Variants in TUBA4A observed in about 807,000 individuals in gnomAD.
The protein encoded by TUBA4A is tubulin alpha-4A chain.
TUBA4A carries 23 observed loss-of-function variants against 34.3 expected under a neutral mutation model. The ratio of observed to expected loss-of-function variants is 0.67; its 90% CI spans 0.48 to 0.95. TUBA4A has a LOEUF of 0.95. Ranked by LOEUF, TUBA4A falls within the 40% of genes least tolerant of loss-of-function variation. TUBA4A has a pLI of 0.00. For missense variants in TUBA4A, 279 were observed against 599.0 expected (o/e 0.47, Z 5.58); for synonymous variants, 216 against 230.5 (o/e 0.94, Z 0.57).
Position 219,253,758 on chromosome 2 carries a change from A to G in TUBA4A, c.3+98T>C, listed in dbSNP as rs45468095. ...CCCTCGCACCTCCTGGAGACCCGGA[A>G]CGCCCGGTGGAGGTCCCCGAGCATG... is the stretch of plus-strand genomic sequence containing the variant. On this transcript the variant is annotated intron_variant, in intron 1 of 3. Coordinates refer to ENST00000248437, the MANE Select transcript of TUBA4A (RefSeq NM_006000.3). 0.013 allele frequency: 18,750 copies of G among 1,427,170 alleles called. 147 individuals are homozygous for G. Among genetic ancestry groups the G allele is most frequent in the Middle Eastern group, 0.037 (211 of 5,628 alleles). The allele number at this position is 1,427,170 out of a possible 1,614,324, so 88.4% of individuals were successfully genotyped here. A position where few individuals can be genotyped will look rare whatever the true frequency, so the allele number is the denominator to read the frequency against.
rs1479120854 is a variant in TUBA4A, at chr2:219,251,219, G to T, written c.480C>A (p.Asp160Glu). The T allele has an allele frequency of 6.2e-7, 1 of 1,614,148 alleles. No individual in the cohort carries two copies. The highest frequency in any genetic ancestry group is 8.5e-7 in the Non-Finnish European group (1 of 1,180,042). ...ATTCCAGCTTGGATTTCTTGCCATA[G>T]TCAACAGAGAGCCGCTCCATCAGGA... ...TSLLMERLSV[D>E]YGKKSKLEFS... Residue 160 changes from aspartate to glutamate, a missense_variant, in exon 4 of 4, where the codon GAC becomes GAA. Asp to Glu is a conservative substitution (Grantham distance 45, BLOSUM62 2). Around this residue, in one of 3 missense-constraint regions of TUBA4A, gnomAD observed 108 missense variants for 299.9 expected, o/e 0.36. Coordinates refer to ENST00000248437, the MANE Select transcript of TUBA4A (RefSeq NM_006000.3). This position sits in a 1 kb window ranked among gnomAD's most constrained non-coding sequence, Gnocchi z 6.1.
chr2:219,253,769 AG>A, intron 1 of TUBA4A, 86 bp downstream of exon 1: 1 of 1,464,956 alleles, frequency 6.8e-7, no homozygotes. Flanking sequence ...CGCCCGGTGG[AG>A]GTCCCCGAGC....
In TUBA4A at chr2:219,252,679, G is replaced by C. The variant is rs1184152446; in HGVS notation, c.4-449C>G. 2 of 437,618 alleles carry C rather than the reference G, an allele frequency of 4.6e-6. No homozygotes were observed. Among genetic ancestry groups the C allele is most frequent in the African/African-American group, 4.0e-5 (2 of 49,560 alleles). 27.1% of individuals were successfully genotyped at this position (437,618 alleles called of 1,614,324 possible). A position where few individuals can be genotyped will look rare whatever the true frequency, so the allele number is the denominator to read the frequency against. On this transcript the variant is annotated intron_variant, in intron 1 of 3. Coordinates refer to ENST00000248437, the MANE Select transcript of TUBA4A (RefSeq NM_006000.3). The surrounding 1 kb of genome is among the most constrained non-coding windows in gnomAD (Gnocchi z 4.1). ...GCATCAACTGACCACACGCCATCAG[G>C]ATGCCCTCCTCCCTCACCTTTAAAT...
In TUBA4A at chr2:219,251,575, A is replaced by C; in HGVS notation, c.365T>G (p.Ile122Ser). The change falls in exon 3 of 4, where the codon ATC (isoleucine) becomes AGC (serine). Residue 122 changes from isoleucine to serine, a missense_variant. Physicochemically the swap from Ile to Ser is moderately radical, Grantham distance 142. Coordinates refer to ENST00000248437, the MANE Select transcript of TUBA4A (RefSeq NM_006000.3). This position sits in a 1 kb window ranked among gnomAD's most constrained non-coding sequence, Gnocchi z 6.1. Reference sequence around the variant, plus strand: ...AAGACACACTCTCACCAGCTTGCGGATCCGATCCAGCACTGGGTCAATGAT... The same window carrying C: ...AAGACACACTCTCACCAGCTTGCGGCTCCGATCCAGCACTGGGTCAATGAT... ...KEIIDPVLDR[I>S]RKLSDQCTGL... 1 of 1,613,556 alleles carries C rather than the reference A, an allele frequency of 6.2e-7. No individual in the cohort carries two copies. The highest frequency in any genetic ancestry group is 8.5e-7 in the Non-Finnish European group (1 of 1,179,546).
chr2:219,253,245 C>T, intron 1 of TUBA4A: 3 of 1,494,714 alleles, frequency 2.0e-6, no homozygotes, highest in South Asian at 1.3e-5. Context: ...CGCCAGCTGT[C>T]TCTGCCCATC....
chr2:219,253,907 A>G lies in TUBA4A; in HGVS notation c.-49T>C. On this transcript the variant is annotated 5_prime_UTR_variant, in exon 1 of 4. Transcript: ENST00000248437. ...ACGTTGAGTCGGGGTGACAGGTCTC[A>G]GTGAGAACTGCGCTAGCTGCAGTGC... is the stretch of plus-strand genomic sequence containing the variant. The G allele has an allele frequency of 7.2e-7, 1 of 1,389,916 alleles. No homozygotes were observed. Among genetic ancestry groups the G allele is most frequent in the Non-Finnish European group, 9.4e-7 (1 of 1,065,402 alleles). 86.1% of individuals were successfully genotyped at this position (1,389,916 alleles called of 1,614,324 possible).
Position 219,251,327 on chromosome 2 carries a change from A to T in TUBA4A, c.376-4T>A. ...GAAGTCCTGTGCACTGGTCAGACTGAAAGGCAAGAACGAGAAAGAACAGTT... is the reference window on the plus strand; with the variant it reads ...GAAGTCCTGTGCACTGGTCAGACTGTAAGGCAAGAACGAGAAAGAACAGTT... On this transcript the variant is annotated splice_polypyrimidine_tract_variant and splice_region_variant and intron_variant, in intron 3 of 3. Coordinates refer to ENST00000248437, the MANE Select transcript of TUBA4A (RefSeq NM_006000.3). This position sits in a 1 kb window ranked among gnomAD's most constrained non-coding sequence, Gnocchi z 6.1. The T allele has an allele frequency of 6.3e-7, 1 of 1,595,772 alleles. No individual in the cohort carries two copies. The highest frequency in any genetic ancestry group is 8.6e-7 in the Non-Finnish European group (1 of 1,169,056).
Position 219,253,492 on chromosome 2 carries a change from G to A in TUBA4A, c.3+364C>T, listed in dbSNP as rs1951683198. On this transcript the variant is annotated intron_variant, in intron 1 of 3. Transcript: ENST00000248437. ...GTGCTGAGGACCAGGGACTGGGGAT[G>A]TAAGAGGGCAGCCAAACCCGTCTTC... 7 of 1,247,936 alleles carry A rather than the reference G, an allele frequency of 5.6e-6. No homozygotes were observed. In the African/African-American group the frequency reaches 7.4e-5, roughly 13 times the overall value. The allele number at this position is 1,247,936 out of a possible 1,614,324, so 77.3% of individuals were successfully genotyped here.
upstream of TUBA4A, chr2:219,254,521 G>A (rs1303965002): frequency 6.6e-6 from 1 of 152,288 alleles, no homozygotes; most frequent in East Asian, 1.9e-4. Flanking sequence ...CGCTCCCGCA[G>A]AGTCGAGCCC....
chr2:219,254,199 C>T, upstream of TUBA4A: 2 of 263,974 alleles, frequency 7.6e-6, no homozygotes, highest in Non-Finnish European at 7.2e-6. Context: ...ATGCAGGGTG[C>T]TGTGGCAGGG....
At chr2:219,253,496 G>C in intron 1 of TUBA4A, 1 of 1,216,390 alleles carries the variant, frequency 8.2e-7, no homozygotes, top group Non-Finnish European at 1.2e-6. Flanking sequence ...GGGGATGTAA[G>C]AGGGCAGCCA....
chr2:219,251,915 GC>G lies in TUBA4A; in HGVS notation c.226+92del. 7.0e-7 allele frequency: 1 copy of G among 1,425,650 alleles called. No individual in the cohort carries two copies. 88.3% of individuals were successfully genotyped at this position (1,425,650 alleles called of 1,614,324 possible). On this transcript the variant is annotated intron_variant, in intron 2 of 3. Coordinates refer to ENST00000248437, the MANE Select transcript of TUBA4A (RefSeq NM_006000.3). This position sits in a 1 kb window ranked among gnomAD's most constrained non-coding sequence, Gnocchi z 6.1. ...TCAAGTACGGCTAGGAATTTTCAGGGCTAGGAATGCCTGGTCTAAATACCCT... is the reference window on the plus strand; with the variant it reads ...TCAAGTACGGCTAGGAATTTTCAGGGTAGGAATGCCTGGTCTAAATACCCT...
At position 219,250,820 on chromosome 2, in the gene TUBA4A, A is replaced by T. The variant is rs1424300777; in HGVS notation, c.879T>A (p.Asn293Lys). ...HEQLSVAEITNACFEPANQMV... is the reference protein window; with the variant it reads ...HEQLSVAEITKACFEPANQMV... ...TCTGGTTGGCAGGCTCAAAGCAGGC[A>T]TTGGTGATCTCTGCCACCGACAGCT... The change falls in exon 4 of 4, where the codon AAT becomes AAA. Residue 293 changes from asparagine (N) to lysine (K), a missense_variant. By Grantham distance (94) the Asn-to-Lys change is moderately conservative (BLOSUM62 0). Around this residue, in one of 3 missense-constraint regions of TUBA4A, gnomAD observed 108 missense variants for 299.9 expected, o/e 0.36. Coordinates refer to ENST00000248437, the MANE Select transcript of TUBA4A (RefSeq NM_006000.3). This position sits in a 1 kb window ranked among gnomAD's most constrained non-coding sequence, Gnocchi z 8.4. 1.2e-6 allele frequency: 2 copies of T among 1,614,184 alleles called. No homozygotes were observed. The highest frequency in any genetic ancestry group is 1.7e-6 in the Non-Finnish European group (2 of 1,180,028).
At chr2:219,253,528 G>T in intron 1 of TUBA4A, 3 of 959,642 alleles carry the variant, frequency 3.1e-6, no homozygotes, top group Non-Finnish European at 4.8e-6. Flanking sequence ...TTTTGCCCGC[G>T]GAAAGGACGG....
At chr2:219,253,949 GC>G (rs1553571521), upstream of TUBA4A, 2 of 1,165,668 alleles carry the variant, frequency 1.7e-6, no homozygotes, top group Non-Finnish European at 1.1e-6. Flanking sequence ...GCCCTTATAG[GC>G]GGGGGGGGGG....
Position 219,253,871 on chromosome 2 carries a change from C to A in TUBA4A, c.-13G>T. The A allele has an allele frequency of 6.9e-7, 1 of 1,454,584 alleles. No homozygotes were observed. Among genetic ancestry groups the A allele is most frequent in the Non-Finnish European group, 9.1e-7 (1 of 1,103,870 alleles). The allele number at this position is 1,454,584 out of a possible 1,614,324, so 90.1% of individuals were successfully genotyped here. ...CCGCACTCACCATGGTGAGTCCGGGCGGTGCGTCTCACGTTGAGTCGGGGT... is the reference window on the plus strand; with the variant it reads ...CCGCACTCACCATGGTGAGTCCGGGAGGTGCGTCTCACGTTGAGTCGGGGT... On this transcript the variant is annotated 5_prime_UTR_variant, in exon 1 of 4. Transcript: ENST00000248437.
Position 219,252,237 on chromosome 2 carries a change from G to GA in TUBA4A, c.4-8dup, listed in dbSNP as rs1951659911. The GA allele has an allele frequency of 6.2e-7, 1 of 1,609,708 alleles. No homozygotes were observed. Among genetic ancestry groups the GA allele is most frequent in the African/African-American group, 1.3e-5 (1 of 74,816 alleles). The stretch of plus-strand genomic sequence containing the variant: ...GGACTGAGATGCATTCACGCTGAGG[G>GA]ATAGAGAGAGGGGACACAGCATGAG... On this transcript the variant is annotated splice_polypyrimidine_tract_variant and splice_region_variant and intron_variant, in intron 1 of 3. Transcript: ENST00000248437. The surrounding 1 kb of genome is among the most constrained non-coding windows in gnomAD (Gnocchi z 4.1).
rs1295099257 is a variant in TUBA4A, at chr2:219,249,765, A to G, written c.*587T>C. 1 of 152,982 alleles carries G rather than the reference A, an allele frequency of 6.5e-6. No individual in the cohort carries two copies. The highest frequency in any genetic ancestry group is 2.4e-5 in the African/African-American group (1 of 41,470). The allele number at this position is 152,982 out of a possible 1,614,324, so 9.5% of individuals were successfully genotyped here. ...CCCAGCTCCAGCAAAGCAGCAAGACAGGAAGCTATGCAAAGCTGCTCAGAG... is the reference window on the plus strand; with the variant it reads ...CCCAGCTCCAGCAAAGCAGCAAGACGGGAAGCTATGCAAAGCTGCTCAGAG... On this transcript the variant is annotated 3_prime_UTR_variant, in exon 4 of 4. Coordinates refer to ENST00000248437, the MANE Select transcript of TUBA4A (RefSeq NM_006000.3).
chr2:219,252,818 C>A lies in TUBA4A; in HGVS notation c.4-588G>T, dbSNP rs1345838185. 1 of 471,904 alleles carries A rather than the reference C, an allele frequency of 2.1e-6. No individual in the cohort carries two copies. Among genetic ancestry groups the A allele is most frequent in the South Asian group, 1.5e-5 (1 of 64,572 alleles). The allele number at this position is 471,904 out of a possible 1,614,324, so 29.2% of individuals were successfully genotyped here. ...GTGTCAGCCCGCACGGAAATAGCGGCGGTAATGCTTGTAAGCTCAGACAGC... is the reference window on the plus strand; with the variant it reads ...GTGTCAGCCCGCACGGAAATAGCGGAGGTAATGCTTGTAAGCTCAGACAGC... On this transcript the variant is annotated intron_variant, in intron 1 of 3. Transcript: ENST00000248437. This position sits in a 1 kb window ranked among gnomAD's most constrained non-coding sequence, Gnocchi z 4.1.
Sources: gnomAD v4.1 joint callset for allele counts on GRCh38, gnomAD v4.1.1 for gene constraint, gnomAD v4.1.1 regional missense constraint, Gnocchi (gnomAD v3.1) non-coding constraint, MANE v1.5 for transcripts, NCBI Gene and HGNC (gene_info 2026-07-23, HGNC 2026-07-21) for gene names.